SKIC3: variants seen among roughly 807,000 people sequenced by gnomAD.
The protein encoded by SKIC3 is SKI3 subunit of superkiller complex.
At chr5:95,468,235 T>C in the SKIC3 span, among the ~76,000 whole-genome samples, 1 of 152,158 alleles carries the variant, frequency 6.6e-6, no homozygotes, top group Admixed American at 6.5e-5. Flanking sequence ...TCTTATTAGG[T>C]AGGTAGTTAT....
chr5:95,486,391 C>T, the SKIC3 span, among the ~76,000 whole-genome samples: 2 of 152,220 alleles, frequency 1.3e-5, no homozygotes, highest in Non-Finnish European at 2.9e-5. Flanking sequence ...CATTAGAATA[C>T]AGCAGAGCTG....
the SKIC3 span, chr5:95,523,297 T>C: frequency 6.2e-7 from 1 of 1,613,756 alleles, no homozygotes; most frequent in East Asian, 2.2e-5. Context: ...CCTTTTGAGT[T>C]ACTGTTGTTA....
At chr5:95,538,134 C>T in the SKIC3 span, among the ~76,000 whole-genome samples, 2 of 151,908 alleles carry the variant, frequency 1.3e-5, no homozygotes, top group Non-Finnish European at 2.9e-5. Flanking sequence ...ATCTTAAGTA[C>T]AATTAATTCT....
the SKIC3 span, among the ~76,000 whole-genome samples, chr5:95,475,798 G>A: frequency 6.6e-6 from 1 of 152,194 alleles, no homozygotes; most frequent in Admixed American, 6.5e-5. Flanking sequence ...ATAATTTTTG[G>A]TGTTGTAGTT....
At chr5:95,536,225 A>G in the SKIC3 span, among the ~76,000 whole-genome samples, 1 of 152,230 alleles carries the variant, frequency 6.6e-6, no homozygotes, top group Admixed American at 6.5e-5. Flanking sequence ...TCCCATTTGA[A>G]TATGCTCTAT....
the SKIC3 span, chr5:95,516,792 T>C: frequency 2.5e-6 from 4 of 1,598,374 alleles, no homozygotes; most frequent in African/African-American, 2.7e-5. Flanking sequence ...TTTCTTGGAA[T>C]AGCAGCATGT....
At chr5:95,525,436 A>G in the SKIC3 span, 1 of 1,614,038 alleles carries the variant, frequency 6.2e-7, no homozygotes, top group Admixed American at 1.7e-5. Flanking sequence ...TGGTGAAATG[A>G]ATCAAAGCCT....
chr5:95,531,868 A>G, the SKIC3 span, among the ~76,000 whole-genome samples: 1 of 152,162 alleles, frequency 6.6e-6, no homozygotes, highest in Non-Finnish European at 1.5e-5. Context: ...ACAGACCAGC[A>G]TGGCATCTGA....
At chr5:95,465,320 A>G in the SKIC3 span, among the ~76,000 whole-genome samples, 1 of 152,178 alleles carries the variant, frequency 6.6e-6, no homozygotes, top group South Asian at 2.1e-4. Flanking sequence ...TCTTACTCAA[A>G]AAGACTACTT....
At chr5:95,536,056 C>T in the SKIC3 span, among the ~76,000 whole-genome samples, 1 of 152,074 alleles carries the variant, frequency 6.6e-6, no homozygotes, top group South Asian at 2.1e-4. Context: ...CCAATACAGC[C>T]AACCTCTTGT....
At chr5:95,524,364 A>T in the SKIC3 span, 3 of 1,514,088 alleles carry the variant, frequency 2.0e-6, no homozygotes, top group Non-Finnish European at 2.7e-6. Context: ...AAGCACAAAA[A>T]ACAGTTCAGT....
chr5:95,530,715 C>G, the SKIC3 span, among the ~76,000 whole-genome samples: 3 of 152,172 alleles, frequency 2.0e-5, no homozygotes, highest in Non-Finnish European at 4.4e-5. Flanking sequence ...TCACATTCCT[C>G]TTAAGTCTAC....
At chr5:95,473,432 C>T in the SKIC3 span, among the ~76,000 whole-genome samples, 1 of 152,076 alleles carries the variant, frequency 6.6e-6, no homozygotes, top group East Asian at 1.9e-4. Context: ...CAGGTGCATG[C>T]CACTACGCCT....
chr5:95,536,751 G>T, the SKIC3 span: 3 of 1,318,008 alleles, frequency 2.3e-6, no homozygotes, highest in South Asian at 1.2e-5. Context: ...AACATTTTTT[G>T]ATTAATAACA....
the SKIC3 span, chr5:95,490,876 A>C: frequency 2.5e-6 from 4 of 1,612,990 alleles, no homozygotes; most frequent in East Asian, 2.2e-5. Context: ...ATCTGAATTA[A>C]ATCATGTATA....
At chr5:95,549,385 T>G in the SKIC3 span, among the ~76,000 whole-genome samples, 6 of 152,050 alleles carry the variant, frequency 3.9e-5, no homozygotes, top group Non-Finnish European at 7.4e-5. Flanking sequence ...CAGACAAGTG[T>G]GAAGTTAAAT....
At chr5:95,496,206 C>T in the SKIC3 span, among the ~76,000 whole-genome samples, 4 of 151,898 alleles carry the variant, frequency 2.6e-5, no homozygotes, top group African/African-American at 9.7e-5. Context: ...TTAGTAGAGA[C>T]GGGGTTTTAC....
chr5:95,513,746 G>C, the SKIC3 span: 1 of 1,126,320 alleles, frequency 8.9e-7, no homozygotes, highest in South Asian at 1.3e-5. Context: ...TACTAGCTGA[G>C]CTTAAAAGCA....
chr5:95,507,321 A>G, the SKIC3 span, among the ~76,000 whole-genome samples: 1 of 152,216 alleles, frequency 6.6e-6, no homozygotes, highest in Non-Finnish European at 1.5e-5. Flanking sequence ...GTTTTGACAT[A>G]TTTGGAGTTT....
Sources: gnomAD v4.1 joint callset for allele counts (sites outside exome capture counted in the v4.1 genomes callset) on GRCh38, gnomAD v4.1.1 for gene constraint, MANE v1.5 for transcripts, NCBI Gene and HGNC (gene_info 2026-07-23, HGNC 2026-07-21) for gene names.